Variants in SUGCT observed in about 807,000 individuals in gnomAD.
SUGCT encodes succinyl-CoA:glutarate-CoA transferase.
In SUGCT, 41 loss-of-function variants were observed where a neutral mutation model predicts 55.0. That is an observed-to-expected ratio of 0.74 (90% CI 0.58 to 0.97). The LOEUF is 0.97. Ranked by LOEUF, SUGCT falls within the 50% of genes least tolerant of loss-of-function variation. SUGCT has a pLI of 0.00. For missense variants in SUGCT, 568 were observed against 547.8 expected (o/e 1.04, Z -0.37); for synonymous variants, 187 against 200.4 (o/e 0.93, Z 0.56).
chr7:40,797,883 G>A (rs1790624268), intron 13 of SUGCT, among the ~76,000 whole-genome samples: 1 of 152,166 alleles, frequency 6.6e-6, no homozygotes, highest in Non-Finnish European at 1.5e-5. Context: ...TTCTTTCCCA[G>A]GACCCCATTC....
At chr7:40,352,515 A>G (rs1267925830) in intron 9 of SUGCT, among the ~76,000 whole-genome samples, 1 of 152,020 alleles carries the variant, frequency 6.6e-6, no homozygotes, top group African/African-American at 2.4e-5. Context: ...TCTTGTATCC[A>G]TATGTGCTCA....
At chr7:40,758,760 A>G (rs1215018409) in intron 13 of SUGCT, among the ~76,000 whole-genome samples, 2 of 152,074 alleles carry the variant, frequency 1.3e-5, no homozygotes, top group Non-Finnish European at 2.9e-5. Flanking sequence ...CTAATACCAC[A>G]TAGGAAGGGG....
In SUGCT at chr7:40,504,438, A is replaced by AT. The variant is rs895938058; in HGVS notation, c.1089+8063dup. On this transcript the variant is annotated intron_variant, in intron 12 of 13. Coordinates refer to ENST00000335693, the MANE Select transcript of SUGCT (RefSeq NM_001193313.2). The stretch of plus-strand genomic sequence containing the variant: ...GGATTATGTACCTGGCCAAGAATAG[A>AT]TTTTTTTTTTTCTTTGAGCAGTGCC... Among the ~76,000 whole-genome samples the AT allele has an allele frequency of 4.3e-4, 63 of 147,602 alleles. 1 individual carries two copies. The highest frequency in any genetic ancestry group is 1.1e-3 in the South Asian group (5 of 4,660).
chr7:40,824,244 A>G (rs1447250026), intron 13 of SUGCT, among the ~76,000 whole-genome samples: 1 of 152,172 alleles, frequency 6.6e-6, no homozygotes, highest in Non-Finnish European at 1.5e-5. Flanking sequence ...CATTAAGGAA[A>G]GAAATTTGTC....
chr7:40,180,556 C>A (rs1053238885), intron 1 of SUGCT, among the ~76,000 whole-genome samples: 1 of 151,262 alleles, frequency 6.6e-6, no homozygotes, highest in East Asian at 1.9e-4. Context: ...GCGGCATGAT[C>A]TCAACTCACT....
At chr7:40,325,144 T>C (rs1318795392) in intron 9 of SUGCT, among the ~76,000 whole-genome samples, 1 of 152,168 alleles carries the variant, frequency 6.6e-6, no homozygotes, top group African/African-American at 2.4e-5. Flanking sequence ...TATCATTCCT[T>C]AGAAAAATGT....
At chr7:40,962,583 AC>A in the SUGCT span, among the ~76,000 whole-genome samples, 1 of 149,282 alleles carries the variant, frequency 6.7e-6, no homozygotes, top group African/African-American at 2.5e-5. Flanking sequence ...ACACACACAC[AC>A]ACACACACAC....
chr7:40,561,178 C>G (rs1795816933), intron 12 of SUGCT, among the ~76,000 whole-genome samples: 1 of 152,144 alleles, frequency 6.6e-6, no homozygotes, highest in South Asian at 2.1e-4. Flanking sequence ...CTAGGAAAAG[C>G]AACTTGCTAC....
the SUGCT span, among the ~76,000 whole-genome samples, chr7:41,010,231 C>G: frequency 6.6e-6 from 1 of 152,278 alleles, no homozygotes; most frequent in Non-Finnish European, 1.5e-5. Context: ...ACAGTGGAGC[C>G]CCAGAACCTG....
the SUGCT span, among the ~76,000 whole-genome samples, chr7:40,992,707 T>C: frequency 6.6e-6 from 1 of 152,080 alleles, no homozygotes; most frequent in African/African-American, 2.4e-5. Context: ...GGCTTTGGAG[T>C]GAGCCAAGCC....
chr7:40,466,796 A>G (rs1790133142), intron 11 of SUGCT, among the ~76,000 whole-genome samples: 1 of 152,214 alleles, frequency 6.6e-6, no homozygotes, highest in African/African-American at 2.4e-5. Flanking sequence ...TCGTGGTCAT[A>G]CAATATAAGA....
At chr7:40,289,734 A>G (rs1793609735) in intron 8 of SUGCT, among the ~76,000 whole-genome samples, 3 of 152,208 alleles carry the variant, frequency 2.0e-5, no homozygotes, top group South Asian at 2.1e-4. Flanking sequence ...TGCAGATGAC[A>G]TGATTGTATA....
chr7:40,297,355 A>T (rs1794224878), intron 8 of SUGCT, among the ~76,000 whole-genome samples: 1 of 152,030 alleles, frequency 6.6e-6, no homozygotes, highest in Non-Finnish European at 1.5e-5. Flanking sequence ...CAATTAGGGT[A>T]ATGTACATGT....
In SUGCT at chr7:40,281,371, T is replaced by C. The variant is rs368947349; in HGVS notation, c.720+6715T>C. 6.4e-4 allele frequency among the ~76,000 whole-genome samples: 98 copies of C among 152,234 alleles called. 2 individuals carry two copies. In the South Asian group the frequency reaches 0.02, roughly 31 times the overall value. On this transcript the variant is annotated intron_variant, in intron 8 of 13. Coordinates refer to ENST00000335693, the MANE Select transcript of SUGCT (RefSeq NM_001193313.2). Reference sequence around the variant, plus strand: ...GCAGCACAGTCTATGACTAAGGAAATTAAGAGAACTCCTCAAAGGGAGTTT... The same window carrying C: ...GCAGCACAGTCTATGACTAAGGAAACTAAGAGAACTCCTCAAAGGGAGTTT...
chr7:40,284,069 C>T (rs1241293726), intron 8 of SUGCT, among the ~76,000 whole-genome samples: 3 of 146,898 alleles, frequency 2.0e-5, no homozygotes, highest in Admixed American at 7.0e-5. Context: ...CACATGGTCT[C>T]GTATATATGT....
intron 12 of SUGCT, among the ~76,000 whole-genome samples, chr7:40,716,765 G>A (rs1164958190): frequency 6.6e-6 from 1 of 151,988 alleles, no homozygotes. Flanking sequence ...AAACTTCTCT[G>A]TATCTACTAA....
At position 40,437,729 on chromosome 7, in the gene SUGCT, C is replaced by G. The variant is rs1421180443; in HGVS notation, c.817-11558C>G. Among the ~76,000 whole-genome samples the G allele has an allele frequency of 2.0e-5, 3 of 152,148 alleles. No individual in the cohort carries two copies. The East Asian group carries it at 5.8e-4, about 29-fold the overall frequency. On this transcript the variant is annotated intron_variant, in intron 9 of 13. Transcript: ENST00000335693. ...CTAGCACAGACCCAGAAGTCAATAACTGCTTGGCATTCCAGAAAACATTCT... is the reference window on the plus strand; with the variant it reads ...CTAGCACAGACCCAGAAGTCAATAAGTGCTTGGCATTCCAGAAAACATTCT...
chr7:40,185,385 A>ATT (rs1440283089), intron 3 of SUGCT, among the ~76,000 whole-genome samples: 2 of 152,170 alleles, frequency 1.3e-5, no homozygotes, highest in South Asian at 2.1e-4. Context: ...TTCCCTATAT[A>ATT]GTGAGGCCTA....
chr7:40,582,369 A>C (rs1002835537), intron 12 of SUGCT, among the ~76,000 whole-genome samples: 1 of 152,166 alleles, frequency 6.6e-6, no homozygotes, highest in Non-Finnish European at 1.5e-5. Flanking sequence ...CAACAATGAG[A>C]TATTTGAATT....
Sources: allele counts gnomAD v4.1 joint callset (sites outside exome capture counted in the v4.1 genomes callset), GRCh38; gene constraint gnomAD v4.1.1; transcripts MANE v1.5; gene names NCBI Gene and HGNC (gene_info 2026-07-23, HGNC 2026-07-21).